KCNIP4: variants seen among roughly 807,000 people sequenced by gnomAD.
KCNIP4 encodes the protein potassium voltage-gated channel interacting protein 4.
KCNIP4 carries 12 observed loss-of-function variants against 34.0 expected under a neutral mutation model. That is an observed-to-expected ratio of 0.35 (90% CI 0.23 to 0.57). The LOEUF is 0.57. KCNIP4 is among the 20% of genes least tolerant of loss of function. The pLI is 0.83. For missense variants in KCNIP4, 238 were observed against 311.7 expected, an observed-to-expected ratio of 0.76 and a Z score of 1.78; for synonymous variants, 124 against 102.2, an observed-to-expected ratio of 1.21 and a Z score of -1.29.
rs370767503 is a variant in KCNIP4, at chr4:21,373,948, AC to A, written c.62-491240del. On this transcript the variant is annotated intron_variant, in intron 1 of 8. Coordinates refer to ENST00000382152, the MANE Select transcript of KCNIP4 (RefSeq NM_025221.6). ...TCAAACTCCTGGCCTCAAGTGATTC[AC>A]CCACCTCGGCCTCCCAAGGTATTGG... Among the ~76,000 whole-genome samples, 704 of 108,510 alleles carry A rather than the reference AC, an allele frequency of 6.5e-3. 126 individuals are homozygous for A. Among genetic ancestry groups the A allele is most frequent in the African/African-American group, 0.027 (668 of 24,990 alleles). The allele number at this position is 108,510 out of a possible 152,430, so 71.2% of individuals were successfully genotyped here. A position where few individuals can be genotyped will look rare whatever the true frequency, so the allele number is the denominator to read the frequency against.
At chr4:21,207,489 T>C (rs1000060085) in intron 1 of KCNIP4, among the ~76,000 whole-genome samples, 3 of 152,198 alleles carry the variant, frequency 2.0e-5, no homozygotes. Context: ...AAACACACAC[T>C]TATGTACATG....
intron 3 of KCNIP4, among the ~76,000 whole-genome samples, chr4:20,820,262 G>T (rs553106164): frequency 6.6e-6 from 1 of 152,244 alleles, no homozygotes; most frequent in Non-Finnish European, 1.5e-5. Context: ...AGGAACGAGG[G>T]ATTGTAAACT....
chr4:21,668,805 T>C (rs543133269), intron 1 of KCNIP4, among the ~76,000 whole-genome samples: 8 of 149,314 alleles, frequency 5.4e-5, no homozygotes, highest in African/African-American at 1.7e-4. Context: ...TATAAATAAA[T>C]AAACACAGTG....
intron 1 of KCNIP4, among the ~76,000 whole-genome samples, chr4:21,408,817 A>G (rs2109580618): frequency 6.6e-6 from 1 of 152,272 alleles, no homozygotes; most frequent in Non-Finnish European, 1.5e-5. Context: ...GTCTGATCAG[A>G]TATAGTGTTG....
intron 1 of KCNIP4, among the ~76,000 whole-genome samples, chr4:21,459,066 A>C (rs190160586): frequency 1.1e-4 from 16 of 150,220 alleles, no homozygotes; most frequent in Admixed American, 7.2e-4. Context: ...AACCATCATC[A>C]TCATTATCAT....
At chr4:21,356,903 C>T (rs529885117) in intron 1 of KCNIP4, among the ~76,000 whole-genome samples, 60 of 152,270 alleles carry the variant, frequency 3.9e-4, no homozygotes, top group African/African-American at 7.2e-5. Flanking sequence ...ATCACGCTAC[C>T]TGACTTCAAA....
intron 1 of KCNIP4, among the ~76,000 whole-genome samples, chr4:21,398,092 G>A (rs1361516680): frequency 6.6e-6 from 1 of 152,044 alleles, no homozygotes; most frequent in Non-Finnish European, 1.5e-5. Context: ...GGGGCCTGTC[G>A]GACTCTTTTT....
chr4:20,781,488 A>G (rs527839541), intron 3 of KCNIP4, among the ~76,000 whole-genome samples: 39 of 152,346 alleles, frequency 2.6e-4, no homozygotes, highest in Non-Finnish European at 3.1e-4. Flanking sequence ...AATTGGACGT[A>G]CAGTTCCACA....
intron 1 of KCNIP4, among the ~76,000 whole-genome samples, chr4:21,540,168 T>G (rs534197327): frequency 2.1e-4 from 32 of 152,302 alleles, no homozygotes; most frequent in African/African-American, 7.0e-4. Flanking sequence ...TTCTTTCTAC[T>G]AAACCATGTG....
rs1308822051 is a variant in KCNIP4 at position 21,034,816 on chromosome 4, G to A, written c.62-152107C>T. ...ACAGCTTGGGGAAATATTTCCTTTT[G>A]CTTGAATGACAGCTCTTGGAGTTAG... On this transcript the variant is annotated intron_variant, in intron 1 of 8. Coordinates refer to ENST00000382152, the MANE Select transcript of KCNIP4 (RefSeq NM_025221.6). Among the ~76,000 whole-genome samples the A allele has an allele frequency of 3.9e-5, 6 of 152,154 alleles. 1 individual carries two copies.
chr4:20,995,937 C>T (rs114416888), intron 1 of KCNIP4, among the ~76,000 whole-genome samples: 2,632 of 152,164 alleles, frequency 0.017, 42 homozygotes, highest in Non-Finnish European at 0.026. Flanking sequence ...TGAGAAAATG[C>T]GTTTAAAGTG....
chr4:21,940,554 T>C (rs1303687596), intron 1 of KCNIP4, among the ~76,000 whole-genome samples: 1 of 152,186 alleles, frequency 6.6e-6, no homozygotes, highest in Non-Finnish European at 1.5e-5. Context: ...AGAAGTAGAC[T>C]CTATGTCTCA....
In KCNIP4 at chr4:21,561,688, T is replaced by C. The variant is rs374132668; in HGVS notation, c.61+386883A>G. ...AAGTTAAAAAAAGCTGTTAAGGCAA[T>C]TAAATTACTTACCATCTTTACTAAG... On this transcript the variant is annotated intron_variant, in intron 1 of 8. Transcript: ENST00000382152. 4.6e-5 allele frequency among the ~76,000 whole-genome samples: 7 copies of C among 152,074 alleles called. No homozygotes were observed. In the South Asian group the frequency reaches 1.5e-3, roughly 32 times the overall value.
intron 1 of KCNIP4, among the ~76,000 whole-genome samples, chr4:21,502,321 T>C (rs747295156): frequency 6.6e-6 from 1 of 151,808 alleles, no homozygotes; most frequent in Non-Finnish European, 1.5e-5. Flanking sequence ...AATGAGAAAA[T>C]TGAGGTGGAA....
chr4:21,255,348 A>G (rs1282075394), intron 1 of KCNIP4, among the ~76,000 whole-genome samples: 1 of 152,080 alleles, frequency 6.6e-6, no homozygotes, highest in Admixed American at 6.6e-5. Flanking sequence ...TTTCTTAAAT[A>G]TTATCTTATA....
intron 2 of KCNIP4, among the ~76,000 whole-genome samples, chr4:20,879,351 T>G (rs1167190870): frequency 1.3e-5 from 2 of 152,198 alleles, no homozygotes; most frequent in Non-Finnish European, 2.9e-5. Context: ...AGAAGGCCAT[T>G]GGCTATGGCA....
At chr4:21,086,077 A>G (rs1007458030) in intron 1 of KCNIP4, among the ~76,000 whole-genome samples, 1 of 152,098 alleles carries the variant, frequency 6.6e-6, no homozygotes, top group African/African-American at 2.4e-5. Flanking sequence ...CGTCATGTAG[A>G]TATAGTGGAG....
intron 1 of KCNIP4, among the ~76,000 whole-genome samples, chr4:21,521,771 T>TA (rs1318433035): frequency 6.6e-6 from 1 of 152,124 alleles, no homozygotes; most frequent in Non-Finnish European, 1.5e-5. Flanking sequence ...AATCATCTCT[T>TA]ACCTTTCTCT....
At chr4:20,866,027 CT>C (rs1191963328) in intron 2 of KCNIP4, among the ~76,000 whole-genome samples, 1 of 151,872 alleles carries the variant, frequency 6.6e-6, no homozygotes, top group Non-Finnish European at 1.5e-5. Flanking sequence ...AACCTGCCAA[CT>C]AAAAAAAGCT....
Sources: gnomAD v4.1 joint callset for allele counts (sites outside exome capture counted in the v4.1 genomes callset) on GRCh38, gnomAD v4.1.1 for gene constraint, MANE v1.5 for transcripts, NCBI Gene and HGNC (gene_info 2026-07-23, HGNC 2026-07-21) for gene names.